ITFG1: variants seen among roughly 807,000 people sequenced by gnomAD.
The protein encoded by ITFG1 is integrin alpha FG-GAP repeat containing 1.
ITFG1 carries 34 observed loss-of-function variants against 81.8 expected under a neutral mutation model. The observed-to-expected ratio is 0.42, with a 90% confidence interval of 0.32 to 0.55. The LOEUF is 0.55. Ranked by LOEUF, ITFG1 falls within the 20% of genes least tolerant of loss-of-function variation. The probability of loss-of-function intolerance (pLI) is 0.17; values close to 1 mark genes in which losing one functional copy is unlikely to be tolerated. For synonymous variants in ITFG1, 285 were observed against 270.6 expected, an observed-to-expected ratio of 1.05 and a Z score of -0.52; for missense variants, 672 against 755.4, an observed-to-expected ratio of 0.89 and a Z score of 1.29.
At chr16:47,453,257 TGC>T (rs1969411458) in intron 3 of ITFG1, among the ~76,000 whole-genome samples, 4 of 152,240 alleles carry the variant, frequency 2.6e-5, no homozygotes, top group Non-Finnish European at 1.5e-5. Context: ...TCCCAAATGG[TGC>T]AGAAAACATG....
chr16:47,278,699 C>A (rs1966422612), intron 10 of ITFG1, among the ~76,000 whole-genome samples: 1 of 152,108 alleles, frequency 6.6e-6, no homozygotes, highest in Non-Finnish European at 1.5e-5. Flanking sequence ...AATGCTGTTA[C>A]TCTAGGGAAA....
At chr16:47,403,227 C>T (rs937699428) in intron 6 of ITFG1, among the ~76,000 whole-genome samples, 1 of 150,962 alleles carries the variant, frequency 6.6e-6, no homozygotes, top group African/African-American at 2.4e-5. Flanking sequence ...AGGTTACCTA[C>T]CTTTTTTTTT....
intron 14 of ITFG1, among the ~76,000 whole-genome samples, chr16:47,165,228 T>C (rs1352334695): frequency 2.0e-5 from 3 of 152,176 alleles, no homozygotes; most frequent in Non-Finnish European, 2.9e-5. Flanking sequence ...AATATATAAA[T>C]ATTTTAATAT....
intron 8 of ITFG1, among the ~76,000 whole-genome samples, chr16:47,335,453 G>T (rs1201788144): frequency 6.6e-6 from 1 of 152,106 alleles, no homozygotes; most frequent in Non-Finnish European, 1.5e-5. Context: ...CTGCAGAGTG[G>T]AGAATAAAAG....
chr16:47,252,290 A>T (rs1453564885), intron 12 of ITFG1, among the ~76,000 whole-genome samples: 8 of 152,218 alleles, frequency 5.3e-5, no homozygotes, highest in Non-Finnish European at 5.9e-5. Flanking sequence ...AAACTTCCAT[A>T]TTATTTCAAC....
intron 12 of ITFG1, among the ~76,000 whole-genome samples, chr16:47,257,972 T>C (rs993544290): frequency 1.3e-5 from 2 of 152,194 alleles, no homozygotes; most frequent in Non-Finnish European, 2.9e-5. Context: ...TGTAGAAGGT[T>C]GATTCAGGGA....
At chr16:47,198,663 G>A (rs1369587605) in intron 14 of ITFG1, among the ~76,000 whole-genome samples, 1 of 147,632 alleles carries the variant, frequency 6.8e-6, no homozygotes, top group Non-Finnish European at 1.5e-5. Flanking sequence ...GAGATGGACA[G>A]CTCCAAGGGT....
chr16:47,160,778 A>T (rs1964792392), intron 16 of ITFG1, among the ~76,000 whole-genome samples: 1 of 152,176 alleles, frequency 6.6e-6, no homozygotes, highest in African/African-American at 2.4e-5. Context: ...TGTTTATGGT[A>T]CTTGCCAATT....
At chr16:47,381,794 A>C (rs1035223618) in intron 6 of ITFG1, among the ~76,000 whole-genome samples, 3 of 152,238 alleles carry the variant, frequency 2.0e-5, no homozygotes, top group Non-Finnish European at 4.4e-5. Flanking sequence ...AAACCAGGTC[A>C]TGCCAGCTCT....
At chr16:47,446,593 G>A (rs1009286808) in intron 5 of ITFG1, among the ~76,000 whole-genome samples, 5 of 152,062 alleles carry the variant, frequency 3.3e-5, no homozygotes, top group Admixed American at 2.6e-4. Context: ...ACAGTTGAAC[G>A]CACACCTCCA....
At chr16:47,205,758 A>G in intron 14 of ITFG1, among the ~76,000 whole-genome samples, 1 of 152,290 alleles carries the variant, frequency 6.6e-6, no homozygotes, top group East Asian at 1.9e-4. Context: ...TCGTATCATC[A>G]ACCAGTGTGC....
chr16:47,267,089 T>C (rs532253141), intron 10 of ITFG1, among the ~76,000 whole-genome samples: 61 of 152,174 alleles, frequency 4.0e-4, no homozygotes, highest in Admixed American at 3.4e-3. Context: ...TCGGGGTTAA[T>C]GAAAATGTTC....
At chr16:47,232,609 G>A (rs1300738171) in intron 13 of ITFG1, among the ~76,000 whole-genome samples, 1 of 151,538 alleles carries the variant, frequency 6.6e-6, no homozygotes, top group Non-Finnish European at 1.5e-5. Flanking sequence ...TTGGGTATGG[G>A]CACAAGAATT....
intron 10 of ITFG1, among the ~76,000 whole-genome samples, chr16:47,274,637 A>C (rs566896684): frequency 4.4e-4 from 67 of 152,280 alleles, no homozygotes; most frequent in African/African-American, 1.6e-3. Flanking sequence ...CTCTCTTCTT[A>C]TTATAATGGT....
At chr16:47,426,547 AAT>A (rs1208694835) in intron 6 of ITFG1, among the ~76,000 whole-genome samples, 3 of 149,130 alleles carry the variant, frequency 2.0e-5, no homozygotes, top group East Asian at 1.9e-4. Context: ...CACTAAAAAT[AAT>A]ATGTTTTCTT....
Position 47,258,678 on chromosome 16 carries a change from T to C in ITFG1, c.1284A>G (p.Thr428=). ...CATCTGCTTCAAAGTTATTTTTTAGTGTATGAATGGCAAAATCATTCTTTG... is the reference window on the plus strand; with the variant it reads ...CATCTGCTTCAAAGTTATTTTTTAGCGTATGAATGGCAAAATCATTCTTTG... ...GYTKNDFAIH[T]LKNNFEADAY... is the part of the protein sequence containing the mutation. Residue 428 remains threonine, a synonymous_variant, in exon 12 of 18, where the codon ACA becomes ACG. Coordinates refer to ENST00000320640, the MANE Select transcript of ITFG1 (RefSeq NM_030790.5). 1 of 1,552,460 alleles carries C rather than the reference T, an allele frequency of 6.4e-7. No individual in the cohort carries two copies. The highest frequency in any genetic ancestry group is 1.2e-5 in the South Asian group (1 of 86,402).
At chr16:47,366,758 T>C (rs1040047696) in intron 7 of ITFG1, among the ~76,000 whole-genome samples, 2 of 152,202 alleles carry the variant, frequency 1.3e-5, no homozygotes, top group Non-Finnish European at 1.5e-5. Context: ...GATATCTGTA[T>C]ACTTTAAAAT....
chr16:47,438,924 C>T (rs1277204153), intron 5 of ITFG1, among the ~76,000 whole-genome samples: 3 of 151,990 alleles, frequency 2.0e-5, no homozygotes, highest in Non-Finnish European at 2.9e-5. Context: ...GGCAAAGAAG[C>T]TCAAAACTTT....
intron 10 of ITFG1, among the ~76,000 whole-genome samples, chr16:47,303,302 A>G (rs1967106693): frequency 6.6e-6 from 1 of 151,894 alleles, no homozygotes; most frequent in Non-Finnish European, 1.5e-5. Context: ...GCTGATTTAT[A>G]TTTTCCTTTT....
Sources: allele counts gnomAD v4.1 joint callset (sites outside exome capture counted in the v4.1 genomes callset), GRCh38; gene constraint gnomAD v4.1.1; transcripts MANE v1.5; gene names NCBI Gene and HGNC (gene_info 2026-07-23, HGNC 2026-07-21).